SAMD5: variants seen among roughly 807,000 people sequenced by gnomAD.
SAMD5 encodes sterile alpha motif domain containing 5.
SAMD5 carries 13 observed loss-of-function variants against 11.3 expected under a neutral mutation model. The observed-to-expected ratio is 1.15, with a 90% CI of 0.75 to 1.83. The LOEUF is 1.83. SAMD5 is among the 40% of genes most tolerant of loss of function. SAMD5 has a pLI of 0.00. For synonymous variants in SAMD5, 129 were observed against 111.3 expected (o/e 1.16, Z -1.00); for missense variants, 255 against 239.1 (o/e 1.07, Z -0.44).
At position 147,683,831 on chromosome 6, in the gene SAMD5, A is replaced by C. The variant is rs60187560; in HGVS notation, c.163-53486A>C. Among the ~76,000 whole-genome samples the C allele has an allele frequency of 7.3e-3, 1,111 of 152,338 alleles. 20 individuals carry two copies. The highest frequency in any genetic ancestry group is 0.025 in the African/African-American group (1,059 of 41,576). ...TTGACTTCATGGGTCATCAGAAAGC[A>C]CTTCAGGTATCTTCAGGGTTTCTTG... On this transcript the variant is annotated intron_variant, in intron 1 of 1. Coordinates refer to the SAMD5 transcript ENST00000566741.
the SAMD5 span, among the ~76,000 whole-genome samples, chr6:147,896,749 A>AC: frequency 0.12 from 18,281 of 146,628 alleles, 2,203 homozygotes; most frequent in East Asian, 0.29. Context: ...AAAAAAAAAA[A>AC]AAAAAAAAAA....
chr6:147,933,381 C>A, the SAMD5 span, among the ~76,000 whole-genome samples: 1 of 152,266 alleles, frequency 6.6e-6, no homozygotes, highest in South Asian at 2.1e-4. Context: ...AAGAGAGACA[C>A]CCAATTAAGG....
At chr6:147,871,212 C>T in the SAMD5 span, among the ~76,000 whole-genome samples, 1 of 152,114 alleles carries the variant, frequency 6.6e-6, no homozygotes, top group Non-Finnish European at 1.5e-5. Context: ...AAATCTGTTT[C>T]TTAACAGGAT....
At chr6:147,752,249 A>G in the SAMD5 span, among the ~76,000 whole-genome samples, 8 of 152,196 alleles carry the variant, frequency 5.3e-5, no homozygotes, top group Non-Finnish European at 1.2e-4. Context: ...TTAAAAATAA[A>G]CTGTTGTCTT....
At chr6:147,720,733 A>C (rs568130684) in intron 1 of SAMD5, among the ~76,000 whole-genome samples, 4 of 151,846 alleles carry the variant, frequency 2.6e-5, no homozygotes, top group Non-Finnish European at 5.9e-5. Context: ...GTTTTAGGGT[A>C]CATGTGCACA....
At chr6:147,808,063 A>T in the SAMD5 span, among the ~76,000 whole-genome samples, 1 of 152,226 alleles carries the variant, frequency 6.6e-6, no homozygotes, top group Non-Finnish European at 1.5e-5. Flanking sequence ...AGAGACCTCA[A>T]AATGAGAGTC....
intron 1 of SAMD5, among the ~76,000 whole-genome samples, chr6:147,630,381 G>C (rs556938400): frequency 1.6e-4 from 25 of 152,284 alleles, no homozygotes; most frequent in Non-Finnish European, 4.4e-5. Flanking sequence ...TGTTTGTCAG[G>C]CCTCTGAGTC....
At chr6:147,683,469 A>G (rs372828688) in intron 1 of SAMD5, among the ~76,000 whole-genome samples, 2 of 152,240 alleles carry the variant, frequency 1.3e-5, no homozygotes, top group African/African-American at 4.8e-5. Flanking sequence ...TGAAAATAAC[A>G]AATATATTAC....
At chr6:147,643,987 C>T (rs1790356444) in intron 1 of SAMD5, among the ~76,000 whole-genome samples, 2 of 149,636 alleles carry the variant, frequency 1.3e-5, no homozygotes, top group South Asian at 4.3e-4. Context: ...ATTTAAATGT[C>T]ATACATAATG....
In SAMD5 at chr6:147,564,391, C is replaced by T. The variant is rs779791403; in HGVS notation, c.460-3C>T. The T allele has an allele frequency of 1.3e-5, 10 of 780,746 alleles. No individual in the cohort carries two copies. The South Asian group carries it at 1.3e-4, about 10-fold the overall frequency. 48.4% of individuals were successfully genotyped at this position (780,746 alleles called of 1,614,324 possible). A position where few individuals can be genotyped will look rare whatever the true frequency, so the allele number is the denominator to read the frequency against. On this transcript the variant is annotated splice_polypyrimidine_tract_variant and splice_region_variant and intron_variant, in intron 1 of 1. Transcript: ENST00000367474. ...AATAACCCAGATATGTTCAAATCCA[C>T]AGGTCCCAATGGCTGGCATCCTAGA...
chr6:147,934,270 G>GA, the SAMD5 span, among the ~76,000 whole-genome samples: 18,807 of 152,044 alleles, frequency 0.12, 1,367 homozygotes, highest in South Asian at 0.3. Context: ...TTACAACTTT[G>GA]AAAAAAATTA....
chr6:147,817,905 G>A, the SAMD5 span, among the ~76,000 whole-genome samples: 1 of 152,186 alleles, frequency 6.6e-6, no homozygotes, highest in African/African-American at 2.4e-5. Context: ...TCTAATAATA[G>A]AGTTTCTAAG....
At chr6:147,544,621 C>T (rs532193577) in intron 1 of SAMD5, among the ~76,000 whole-genome samples, 1 of 152,226 alleles carries the variant, frequency 6.6e-6, no homozygotes, top group South Asian at 2.1e-4. Context: ...GCTGACATTG[C>T]AGGGTCTGTT....
At chr6:147,663,779 G>A (rs1295838881) in intron 1 of SAMD5, among the ~76,000 whole-genome samples, 5 of 95,128 alleles carry the variant, frequency 5.3e-5, no homozygotes, top group South Asian at 4.3e-4. Context: ...GTGAAAGAGC[G>A]AAACTCTGTC....
Position 147,567,269 on chromosome 6 carries a change from T to C in SAMD5, c.*2813T>C. The C allele has an allele frequency of 1.0e-6, 1 of 985,238 alleles. No homozygotes were observed. Among genetic ancestry groups the C allele is most frequent in the South Asian group, 4.7e-5 (1 of 21,282 alleles). The allele number at this position is 985,238 out of a possible 1,614,324, so 61.0% of individuals were successfully genotyped here. On this transcript the variant is annotated 3_prime_UTR_variant, in exon 2 of 2. Transcript: ENST00000367474. ...AAACTGAATTTATAGCAACAAAGGA[T>C]AGTAGTTTCTCAACTGGGAGCATAC... is the stretch of plus-strand genomic sequence containing the variant.
Position 147,569,407 on chromosome 6 carries a change from AT to A in SAMD5, c.*4958del. On this transcript the variant is annotated 3_prime_UTR_variant, in exon 2 of 2. Coordinates refer to ENST00000367474, the MANE Select transcript of SAMD5 (RefSeq NM_001030060.3). ...AATTCCATGTTAAGAGCTAAGTAGT[AT>A]TTTTTTCTTAACAATTTTGCCAAAA... 2.1e-6 allele frequency: 2 copies of A among 962,328 alleles called. No individual in the cohort carries two copies. The highest frequency in any genetic ancestry group is 2.5e-6 in the Non-Finnish European group (2 of 808,990). 59.6% of individuals were successfully genotyped at this position (962,328 alleles called of 1,614,324 possible).
At chr6:147,807,830 A>T in the SAMD5 span, among the ~76,000 whole-genome samples, 42 of 152,328 alleles carry the variant, frequency 2.8e-4, 1 homozygote, top group African/African-American at 9.9e-4. Context: ...AATTGCTTCT[A>T]CATTATTAGA....
At chr6:147,786,261 G>T in the SAMD5 span, among the ~76,000 whole-genome samples, 1 of 152,102 alleles carries the variant, frequency 6.6e-6, no homozygotes, top group Non-Finnish European at 1.5e-5. Flanking sequence ...AGTTTTGATG[G>T]ATTGCCTATG....
At chr6:147,519,003 T>G (rs1296485132) in intron 1 of SAMD5, among the ~76,000 whole-genome samples, 2 of 152,238 alleles carry the variant, frequency 1.3e-5, no homozygotes, top group Non-Finnish European at 2.9e-5. Flanking sequence ...TAAAGATATC[T>G]CATTACTGCT....
Sources: gnomAD v4.1 joint callset for allele counts (sites outside exome capture counted in the v4.1 genomes callset) on GRCh38, gnomAD v4.1.1 for gene constraint, MANE v1.5 for transcripts, NCBI Gene and HGNC (gene_info 2026-07-23, HGNC 2026-07-21) for gene names.